Variants in FOXN3 observed in about 807,000 individuals in gnomAD.
The protein encoded by FOXN3 is forkhead box N3.
FOXN3 carries 7 observed loss-of-function variants against 38.4 expected under a neutral mutation model. That is an observed-to-expected ratio of 0.18 (90% CI 0.10 to 0.34). The LOEUF is 0.34. Ranked by LOEUF, FOXN3 falls within the 10% of genes least tolerant of loss-of-function variation. The pLI, the probability that FOXN3 is intolerant of heterozygous loss-of-function variation, is 1.00. For missense variants in FOXN3, 456 were observed against 613.4 expected (o/e 0.74, Z 2.71); for synonymous variants, 230 against 242.2 (o/e 0.95, Z 0.47).
chr14:89,589,849 C>T (rs1895916306), intron 1 of FOXN3, among the ~76,000 whole-genome samples: 2 of 152,108 alleles, frequency 1.3e-5, no homozygotes, highest in Admixed American at 1.3e-4. Flanking sequence ...TTAAGAGCAC[C>T]CTGTTTCTGC....
At chr14:89,346,950 C>G (rs375500234) in intron 3 of FOXN3, among the ~76,000 whole-genome samples, 1 of 152,136 alleles carries the variant, frequency 6.6e-6, no homozygotes. Context: ...TGCTCATCAC[C>G]GTCCCAGCTT....
chr14:89,179,787 T>G (rs1330965866), intron 5 of FOXN3, among the ~76,000 whole-genome samples: 2 of 152,316 alleles, frequency 1.3e-5, no homozygotes, highest in Admixed American at 6.5e-5. Flanking sequence ...GGATCATCTT[T>G]TGTGTCAGAT....
At chr14:89,608,859 G>A (rs1283165922) in intron 1 of FOXN3, among the ~76,000 whole-genome samples, 5 of 152,190 alleles carry the variant, frequency 3.3e-5, no homozygotes, top group Admixed American at 1.3e-4. Flanking sequence ...GTTTTTTAAC[G>A]GGTGTGATCA....
At position 89,162,732 on chromosome 14, in the gene FOXN3, C is replaced by T. The variant is rs1318014911; in HGVS notation, c.1089G>A (p.Arg363=). The change falls in exon 6 of 6, where the codon CGG becomes CGA. Residue 363 remains arginine (R), a synonymous_variant. Transcript: ENST00000557258. The surrounding 1 kb of genome is among the most constrained non-coding windows in gnomAD (Gnocchi z 7.2). ...CCGTGTCGCTGGGGCTCTCGTGGCTCCGGAAGCTCCCCTCGCTGCCCTCGC... is the reference window on the plus strand; with the variant it reads ...CCGTGTCGCTGGGGCTCTCGTGGCTTCGGAAGCTCCCCTCGCTGCCCTCGC... ...EGSEGSEGSF[R]SHESPSDTEE... is the part of the protein sequence containing the mutation. 2 of 1,613,728 alleles carry T rather than the reference C, an allele frequency of 1.2e-6. No individual in the cohort carries two copies. The highest frequency in any genetic ancestry group is 8.5e-7 in the Non-Finnish European group (1 of 1,179,882).
At chr14:89,350,381 A>G in intron 3 of FOXN3, 1 of 242,656 alleles carries the variant, frequency 4.1e-6, no homozygotes, top group Non-Finnish European at 7.8e-6. Flanking sequence ...CATGACACAC[A>G]CCGAGATGTG....
At chr14:89,270,085 C>T (rs1198029915) in intron 4 of FOXN3, among the ~76,000 whole-genome samples, 7 of 152,238 alleles carry the variant, frequency 4.6e-5, no homozygotes, top group Non-Finnish European at 1.0e-4. Context: ...AGATCACAAG[C>T]AATTCCAGCC....
chr14:89,574,890 G>A (rs904771134), intron 1 of FOXN3, among the ~76,000 whole-genome samples: 1 of 151,776 alleles, frequency 6.6e-6, no homozygotes, highest in South Asian at 2.1e-4. Flanking sequence ...AAAAAAAATT[G>A]TAAATTTCTA....
At chr14:89,474,205 A>C (rs1893164728) in intron 1 of FOXN3, among the ~76,000 whole-genome samples, 1 of 152,344 alleles carries the variant, frequency 6.6e-6, no homozygotes, top group South Asian at 2.1e-4. Context: ...CAAAATAACT[A>C]TACCATGATC....
At chr14:89,417,335 C>G (rs1891772960), upstream of FOXN3, 1 of 147,584 alleles carries the variant, frequency 6.8e-6, no homozygotes, top group Non-Finnish European at 1.5e-5. Flanking sequence ...TGGGCCTGGC[C>G]GCCAGCGGCC....
At position 89,211,515 on chromosome 14, in the gene FOXN3, G is replaced by T. The variant is rs921385350; in HGVS notation, c.746-30709C>A. Among the ~76,000 whole-genome samples, 4 of 152,262 alleles carry T rather than the reference G, an allele frequency of 2.6e-5. No individual in the cohort carries two copies. The South Asian group carries it at 8.3e-4, about 32-fold the overall frequency. ...CAAAGAGTCGCTTATACTGAAGAAA[G>T]AACAGGAAACAGGCTACAAAGAGGG... On this transcript the variant is annotated intron_variant, in intron 4 of 5. Coordinates refer to ENST00000557258, the MANE Select transcript of FOXN3 (RefSeq NM_005197.4).
At chr14:89,264,897 T>C (rs1885922552) in intron 4 of FOXN3, among the ~76,000 whole-genome samples, 1 of 152,206 alleles carries the variant, frequency 6.6e-6, no homozygotes, top group South Asian at 2.1e-4. Context: ...GCAATAATTC[T>C]TACTGATGAT....
At chr14:89,486,778 C>A (rs999237395) in intron 1 of FOXN3, 1 of 152,176 alleles carries the variant, frequency 6.6e-6, no homozygotes, top group African/African-American at 2.4e-5. Context: ...TGACGCACTT[C>A]AGTGAAAAAG....
chr14:89,255,745 A>G (rs1043205256), intron 4 of FOXN3, among the ~76,000 whole-genome samples: 1 of 152,176 alleles, frequency 6.6e-6, no homozygotes, highest in African/African-American at 2.4e-5. Flanking sequence ...GCGGACTCCA[A>G]CTAAACCACT....
intron 1 of FOXN3, among the ~76,000 whole-genome samples, chr14:89,499,414 A>G (rs1893750937): frequency 6.6e-6 from 1 of 151,830 alleles, no homozygotes; most frequent in South Asian, 2.1e-4. Flanking sequence ...CAATTTGCCT[A>G]TAATTTAAAA....
Position 89,395,623 on chromosome 14 carries a change from G to A in FOXN3, c.543+16311C>T, listed in dbSNP as rs564257350. ...GACAGAAACTATACCTTCATCATCCGGCTTTCCTGATGCCTAGCATAAGCC... is the reference window on the plus strand; with the variant it reads ...GACAGAAACTATACCTTCATCATCCAGCTTTCCTGATGCCTAGCATAAGCC... On this transcript the variant is annotated intron_variant, in intron 2 of 5. Coordinates refer to ENST00000557258, the MANE Select transcript of FOXN3 (RefSeq NM_005197.4). 6.6e-5 allele frequency among the ~76,000 whole-genome samples: 10 copies of A among 152,104 alleles called. 2 individuals are homozygous for A. The highest frequency in any genetic ancestry group is 2.2e-4 in the African/African-American group (9 of 41,480).
intron 1 of FOXN3, among the ~76,000 whole-genome samples, chr14:89,482,215 G>A (rs1006414768): frequency 2.6e-5 from 4 of 152,192 alleles, no homozygotes; most frequent in African/African-American, 7.2e-5. Flanking sequence ...GCTGAGCAGT[G>A]GGGGACAGTA....
At chr14:89,434,496 C>A (rs952214573) in intron 1 of FOXN3, among the ~76,000 whole-genome samples, 2 of 152,098 alleles carry the variant, frequency 1.3e-5, no homozygotes, top group African/African-American at 4.8e-5. Context: ...TCTCAAAGTG[C>A]TGGGATTACA....
chr14:89,192,670 A>G (rs949241729), intron 4 of FOXN3, among the ~76,000 whole-genome samples: 2 of 142,400 alleles, frequency 1.4e-5, no homozygotes, highest in African/African-American at 5.0e-5. Flanking sequence ...ACTATTATAT[A>G]TAATAGTTAA....
At chr14:89,506,190 C>G (rs573925952) in intron 1 of FOXN3, among the ~76,000 whole-genome samples, 1 of 19,146 alleles carries the variant, frequency 5.2e-5, no homozygotes, top group Non-Finnish European at 2.4e-4. Flanking sequence ...CCCGTCCGGG[C>G]GGTGAGGGGC....
Sources: gnomAD v4.1 joint callset for allele counts (sites outside exome capture counted in the v4.1 genomes callset) on GRCh38, gnomAD v4.1.1 for gene constraint, Gnocchi (gnomAD v3.1) non-coding constraint, MANE v1.5 for transcripts, NCBI Gene and HGNC (gene_info 2026-07-23, HGNC 2026-07-21) for gene names.